CTNND2: variants seen among roughly 807,000 people sequenced by gnomAD.
The protein encoded by CTNND2 is catenin delta 2.
In CTNND2, 22 loss-of-function variants were observed where a neutral mutation model predicts 144.4. That is an observed-to-expected ratio of 0.15 (90% CI 0.11 to 0.22). The LOEUF (loss-of-function observed/expected upper bound fraction) is 0.22. CTNND2 is among the 10% of genes least tolerant of loss of function. The pLI is 1.00. For missense variants in CTNND2, 1,353 were observed against 1,618.8 expected (o/e 0.84, Z 2.82); for synonymous variants, 751 against 695.6 (o/e 1.08, Z -1.25).
chr5:11,430,686 C>A (rs1458333044), intron 3 of CTNND2, among the ~76,000 whole-genome samples: 1 of 152,186 alleles, frequency 6.6e-6, no homozygotes, highest in Non-Finnish European at 1.5e-5. Context: ...TTAACATACT[C>A]ATACACGTGT....
At chr5:11,317,577 A>G (rs150004298) in intron 9 of CTNND2, among the ~76,000 whole-genome samples, 2 of 152,350 alleles carry the variant, frequency 1.3e-5, no homozygotes, top group East Asian at 3.9e-4. Flanking sequence ...GTTAATTATA[A>G]GTACTTTTCA....
intron 3 of CTNND2, among the ~76,000 whole-genome samples, chr5:11,501,633 G>C (rs1051194813): frequency 5.9e-5 from 9 of 152,142 alleles, no homozygotes; most frequent in African/African-American, 1.9e-4. Context: ...ATCCCAATGT[G>C]ACAGTTACTG....
chr5:11,079,305 G>T (rs1398937303), intron 16 of CTNND2, among the ~76,000 whole-genome samples: 1 of 123,876 alleles, frequency 8.1e-6, no homozygotes, highest in African/African-American at 3.8e-5. Context: ...CCCTTCTGCT[G>T]AGCCTCTGGA....
intron 1 of CTNND2, among the ~76,000 whole-genome samples, chr5:11,836,199 T>C (rs1794165835): frequency 6.6e-6 from 1 of 152,158 alleles, no homozygotes; most frequent in Non-Finnish European, 1.5e-5. Flanking sequence ...AAATGTTTCA[T>C]CAATGGAACA....
In CTNND2 at chr5:11,589,282, AAC is replaced by A. The variant is rs34009518; in HGVS notation, c.175-24228_175-24227del. The stretch of plus-strand genomic sequence containing the variant: ...TTAGCTATCTGTATGTTAACATTAA[AAC>A]ACACACACACACACACACACACACA... On this transcript the variant is annotated intron_variant, in intron 2 of 21. Transcript: ENST00000304623. Among the ~76,000 whole-genome samples, 1,037 of 146,564 alleles carry A rather than the reference AAC, an allele frequency of 7.1e-3. 6 individuals are homozygous for A. The highest frequency in any genetic ancestry group is 0.022 in the African/African-American group (856 of 39,566).
In CTNND2 at chr5:11,384,178, TATTA is replaced by T. The variant is rs551785805; in HGVS notation, c.1177+483_1177+486del. ...AGGGTAATAATTCAAGGCAATTCAT[TATTA>T]ATTATTTCCCCACTACTATTGAAAA... On this transcript the variant is annotated intron_variant, in intron 7 of 21. Coordinates refer to ENST00000304623, the MANE Select transcript of CTNND2 (RefSeq NM_001332.4). This position sits in a 1 kb window ranked among gnomAD's most constrained non-coding sequence, Gnocchi z 5.2. Among the ~76,000 whole-genome samples the T allele has an allele frequency of 9.8e-5, 15 of 152,332 alleles. No homozygotes were observed. In the South Asian group the frequency reaches 2.5e-3, roughly 25 times the overall value.
At chr5:11,447,285 T>C (rs1764903588) in intron 3 of CTNND2, among the ~76,000 whole-genome samples, 1 of 150,164 alleles carries the variant, frequency 6.7e-6, no homozygotes, top group Non-Finnish European at 1.5e-5. Flanking sequence ...GAGGTTGCAA[T>C]GAGCTGAGAT....
intron 12 of CTNND2, among the ~76,000 whole-genome samples, chr5:11,123,832 GAA>G (rs1426282201): frequency 6.6e-6 from 1 of 152,174 alleles, no homozygotes; most frequent in East Asian, 1.9e-4. Flanking sequence ...GAATGGCCAT[GAA>G]GCCATGTGGC....
At chr5:11,038,657 T>C (rs1744349360) in intron 16 of CTNND2, among the ~76,000 whole-genome samples, 1 of 152,164 alleles carries the variant, frequency 6.6e-6, no homozygotes, top group Non-Finnish European at 1.5e-5. Context: ...GAGGTGAACT[T>C]TGAATCTGAA....
intron 18 of CTNND2, among the ~76,000 whole-genome samples, chr5:11,009,827 C>T (rs1740877297): frequency 6.6e-6 from 1 of 152,196 alleles, no homozygotes; most frequent in Non-Finnish European, 1.5e-5. Context: ...TCCACTTTTG[C>T]ACAATTGATT....
chr5:11,388,124 G>C (rs1371465734), intron 6 of CTNND2, among the ~76,000 whole-genome samples: 1 of 152,030 alleles, frequency 6.6e-6, no homozygotes, highest in African/African-American at 2.4e-5. Context: ...AATAATTTTG[G>C]CATGAAAAAA....
chr5:11,847,148 ATATATATATATAT>A, intron 1 of CTNND2, among the ~76,000 whole-genome samples: 1 of 126,996 alleles, frequency 7.9e-6, no homozygotes. Flanking sequence ...ATATATATAT[ATATATATATATAT>A]ATATATATAT....
intron 9 of CTNND2, among the ~76,000 whole-genome samples, chr5:11,287,791 A>G (rs549279287): frequency 6.6e-6 from 1 of 152,304 alleles, no homozygotes; most frequent in African/African-American, 2.4e-5. Flanking sequence ...TTCTAGCATA[A>G]GAAGATAAGT....
intron 11 of CTNND2, among the ~76,000 whole-genome samples, chr5:11,177,846 G>A (rs1009442103): frequency 6.6e-5 from 10 of 152,142 alleles, no homozygotes; most frequent in Non-Finnish European, 1.2e-4. Context: ...TATGATTTGT[G>A]ATGATAAAAT....
chr5:11,720,710 A>G (rs73043437), intron 2 of CTNND2, among the ~76,000 whole-genome samples: 7,222 of 152,286 alleles, frequency 0.047, 531 homozygotes, highest in African/African-American at 0.16. Context: ...TTTTAAATAT[A>G]ATATTTACAT....
chr5:11,139,440 TCC>T (rs1756485253), intron 12 of CTNND2, among the ~76,000 whole-genome samples: 2 of 152,212 alleles, frequency 1.3e-5, no homozygotes, highest in South Asian at 4.1e-4. Flanking sequence ...AGCTGATGAA[TCC>T]CTGTCTTACT....
At chr5:11,445,966 A>ATT (rs1764764310) in intron 3 of CTNND2, among the ~76,000 whole-genome samples, 1 of 152,102 alleles carries the variant, frequency 6.6e-6, no homozygotes, top group Admixed American at 6.6e-5. Flanking sequence ...CTAGATACAA[A>ATT]TTTTTTGTTT....
At chr5:11,774,289 C>T (rs1446308834) in intron 1 of CTNND2, among the ~76,000 whole-genome samples, 1 of 151,266 alleles carries the variant, frequency 6.6e-6, no homozygotes, top group African/African-American at 2.4e-5. Flanking sequence ...GACATGAACT[C>T]ATCATTTTTT....
intron 10 of CTNND2, among the ~76,000 whole-genome samples, chr5:11,234,666 C>G (rs912799498): frequency 6.6e-6 from 1 of 152,230 alleles, no homozygotes; most frequent in African/African-American, 2.4e-5. Flanking sequence ...GGCCCCAAGG[C>G]TGGCCCATGG....
Sources: gnomAD v4.1 joint callset for allele counts (sites outside exome capture counted in the v4.1 genomes callset) on GRCh38, gnomAD v4.1.1 for gene constraint, Gnocchi (gnomAD v3.1) non-coding constraint, MANE v1.5 for transcripts, NCBI Gene and HGNC (gene_info 2026-07-23, HGNC 2026-07-21) for gene names.